RADIL: variants seen among roughly 807,000 people sequenced by gnomAD.
RADIL encodes Rap associating with DIL domain, also known as ras-associating and dilute domain-containing protein.
RADIL carries 99 observed loss-of-function variants against 97.6 expected under a neutral mutation model. The ratio of observed to expected loss-of-function variants is 1.01; its 90% confidence interval spans 0.86 to 1.20. The LOEUF is 1.20. RADIL is among the 50% of genes most tolerant of loss of function. RADIL has a pLI of 0.00. For synonymous variants in RADIL, 803 were observed against 691.8 expected (o/e 1.16, Z -2.52); for missense variants, 1,765 against 1,498.9 (o/e 1.18, Z -2.93).
intron 2 of RADIL, among the ~76,000 whole-genome samples, chr7:4,864,217 AC>A (rs1784084608): frequency 6.6e-6 from 1 of 152,082 alleles, no homozygotes; most frequent in South Asian, 2.1e-4. Flanking sequence ...ATCTTCTTTG[AC>A]CTATGGTAGC....
chr7:4,838,822 C>T (rs932749714), intron 2 of RADIL, among the ~76,000 whole-genome samples: 1 of 152,230 alleles, frequency 6.6e-6, no homozygotes, highest in Non-Finnish European at 1.5e-5. Flanking sequence ...CAGCAGCAGC[C>T]ACTGCCAATA....
intron 9 of RADIL, among the ~76,000 whole-genome samples, chr7:4,807,046 T>C (rs1583264859): frequency 6.6e-6 from 1 of 152,114 alleles, no homozygotes; most frequent in Non-Finnish European, 1.5e-5. Flanking sequence ...TGCACCTGCC[T>C]TCCCCGCGCC....
rs1393513697 is a variant in RADIL, at chr7:4,878,263, G to T, written c.-64-60C>A. ...ATCGTGACCACCAAGAGCAAATGAG[G>T]CCACAGGCGGTGACTCCTGCCCGTC... On this transcript the variant is annotated intron_variant, in intron 1 of 14. Coordinates refer to ENST00000399583, the MANE Select transcript of RADIL (RefSeq NM_018059.5). The surrounding 1 kb of genome is among the most constrained non-coding windows in gnomAD (Gnocchi z 4.1). 3.6e-6 allele frequency: 4 copies of T among 1,115,048 alleles called. No individual in the cohort carries two copies. Among genetic ancestry groups the T allele is most frequent in the Non-Finnish European group, 4.9e-6 (4 of 808,918 alleles). The allele number at this position is 1,115,048 out of a possible 1,614,324, so 69.1% of individuals were successfully genotyped here.
chr7:4,845,897 T>TA (rs1783555738), intron 2 of RADIL, among the ~76,000 whole-genome samples: 1 of 152,058 alleles, frequency 6.6e-6, no homozygotes, highest in Non-Finnish European at 1.5e-5. Context: ...CAGCGTGGCG[T>TA]AACCGAGAAC....
chr7:4,828,379 G>A (rs1783053584), intron 5 of RADIL, among the ~76,000 whole-genome samples: 1 of 152,200 alleles, frequency 6.6e-6, no homozygotes, highest in South Asian at 2.1e-4. Context: ...AATCGCTTCA[G>A]CCCAGGAGGT....
chr7:4,853,081 G>T (rs1455986383), intron 2 of RADIL, among the ~76,000 whole-genome samples: 2 of 152,122 alleles, frequency 1.3e-5, no homozygotes, highest in Non-Finnish European at 2.9e-5. Flanking sequence ...TGAGACTGGG[G>T]GACCTTGAGA....
rs1485100771 is a variant in RADIL at position 4,822,274 on chromosome 7, C to G, written c.1615+120G>C. On this transcript the variant is annotated intron_variant, in intron 6 of 14. Transcript: ENST00000399583. The surrounding 1 kb of genome is among the most constrained non-coding windows in gnomAD (Gnocchi z 5.3). ...CATGGCAGCCTAGGGACTGAGGAAG[C>G]CCCCGGCATGAATCCACCCCTGCTA... 6.4e-6 allele frequency: 8 copies of G among 1,254,990 alleles called. No individual in the cohort carries two copies. The East Asian group carries it at 2.0e-4, about 32-fold the overall frequency. 77.7% of individuals were successfully genotyped at this position (1,254,990 alleles called of 1,614,324 possible).
Position 4,798,574 on chromosome 7 carries a change from C to T in RADIL, c.*804G>A, listed in dbSNP as rs1230092538. ...GCAAGTGCCCTGCCCTGGTCCTGCG[C>T]ATGGTCAGCCAGCTGGTGGAGAGGG... On this transcript the variant is annotated 3_prime_UTR_variant, in exon 15 of 15. Transcript: ENST00000399583. 1 of 152,796 alleles carries T rather than the reference C, an allele frequency of 6.5e-6. No homozygotes were observed. The highest frequency in any genetic ancestry group is 1.5e-5 in the Non-Finnish European group (1 of 68,114). 9.5% of individuals were successfully genotyped at this position (152,796 alleles called of 1,614,324 possible).
chr7:4,874,778 C>T (rs1784331734), intron 2 of RADIL, among the ~76,000 whole-genome samples: 1 of 152,226 alleles, frequency 6.6e-6, no homozygotes, highest in Non-Finnish European at 1.5e-5. Flanking sequence ...ATGAGCTTGG[C>T]CGGGTGTGGT....
chr7:4,881,393 C>A (rs1416870900), intron 1 of RADIL, among the ~76,000 whole-genome samples: 6 of 127,614 alleles, frequency 4.7e-5, no homozygotes, highest in African/African-American at 1.9e-4. Flanking sequence ...CCAGCCTGGG[C>A]GACAGAGTGA....
chr7:4,860,999 C>T (rs201639976), intron 2 of RADIL: 54 of 1,614,060 alleles, frequency 3.3e-5, no homozygotes, highest in Non-Finnish European at 4.2e-5. Context: ...GAAGAATTTC[C>T]GTACAAGAGT....
rs1160927283 is a variant in RADIL at position 4,842,730 on chromosome 7, C to A, written c.536-6125G>T. 6.6e-6 allele frequency among the ~76,000 whole-genome samples: 1 copy of A among 152,130 alleles called. No individual in the cohort carries two copies. The highest frequency in any genetic ancestry group is 1.5e-5 in the Non-Finnish European group (1 of 68,020). ...AATAATGATATATACAACTTGGAAC[C>A]GTTTCTGTCACCCATCCCCACTCGC... On this transcript the variant is annotated intron_variant, in intron 2 of 14. Coordinates refer to ENST00000399583, the MANE Select transcript of RADIL (RefSeq NM_018059.5). The surrounding 1 kb of genome is among the most constrained non-coding windows in gnomAD (Gnocchi z 4.5).
intron 2 of RADIL, among the ~76,000 whole-genome samples, chr7:4,857,107 A>T (rs917703683): frequency 6.6e-6 from 1 of 152,240 alleles, no homozygotes; most frequent in Admixed American, 6.5e-5. Flanking sequence ...TGACACATTT[A>T]ACAATTTCTG....
At chr7:4,827,430 T>C (rs181287345) in intron 5 of RADIL, among the ~76,000 whole-genome samples, 239 of 148,344 alleles carry the variant, frequency 1.6e-3, no homozygotes, top group Middle Eastern at 7.5e-3. Flanking sequence ...GAGGCCGAGG[T>C]GGGCGGGTCA....
intron 2 of RADIL, chr7:4,861,122 A>C (rs1025817718): frequency 6.2e-7 from 1 of 1,614,134 alleles, no homozygotes; most frequent in Non-Finnish European, 8.5e-7. Context: ...CTTGGCCCAC[A>C]GTTTGATGGC....
In RADIL at chr7:4,834,868, C is replaced by T; in HGVS notation, c.1155G>A (p.Ala385=). The T allele has an allele frequency of 3.0e-6, 4 of 1,346,238 alleles. No homozygotes were observed. Among genetic ancestry groups the T allele is most frequent in the Non-Finnish European group, 3.8e-6 (4 of 1,049,584 alleles). The allele number at this position is 1,346,238 out of a possible 1,614,324, so 83.4% of individuals were successfully genotyped here. ...VPQSCRLCGA[A]LGARGAASPT... ...GGGAGGCGGCTCCCCGGGCCCCGAG[C>T]GCGGCCCCGCACAGCCGGCAGCTCT... The change falls in exon 4 of 15, where the codon GCG becomes GCA. Residue 385 remains alanine (A), a synonymous_variant. Coordinates refer to ENST00000399583, the MANE Select transcript of RADIL (RefSeq NM_018059.5). This position sits in a 1 kb window ranked among gnomAD's most constrained non-coding sequence, Gnocchi z 6.0.
rs537582595 is a variant in RADIL at position 4,880,255 on chromosome 7, T to C, written c.-64-2052A>G. Among the ~76,000 whole-genome samples the C allele has an allele frequency of 5.3e-5, 8 of 152,222 alleles. No homozygotes were observed. The South Asian group carries it at 1.7e-3, about 32-fold the overall frequency. ...TTTGTTTCTCTTCCTCTGAGGAAGG[T>C]GCAACGAGTGGCCTTGTCAAATCCT... is the stretch of plus-strand genomic sequence containing the variant. On this transcript the variant is annotated intron_variant, in intron 1 of 14. Transcript: ENST00000399583. The surrounding 1 kb of genome is among the most constrained non-coding windows in gnomAD (Gnocchi z 4.5).
chr7:4,799,200 G>A lies in RADIL; in HGVS notation c.*178C>T, dbSNP rs560344699. On this transcript the variant is annotated 3_prime_UTR_variant, in exon 15 of 15. Transcript: ENST00000399583. ...CAAACATCACAATTTCACGTCATCT[G>A]CCATATAAATAGAACCTACACTGAG... 130 of 598,472 alleles carry A rather than the reference G, an allele frequency of 2.2e-4. No homozygotes were observed. Among genetic ancestry groups the A allele is most frequent in the Non-Finnish European group, 1.9e-4 (64 of 335,290 alleles). 37.1% of individuals were successfully genotyped at this position (598,472 alleles called of 1,614,324 possible).
chr7:4,851,201 AAAAAAAAAG>A (rs1313099448), intron 2 of RADIL, among the ~76,000 whole-genome samples: 1 of 151,930 alleles, frequency 6.6e-6, no homozygotes, highest in African/African-American at 2.4e-5. Context: ...CCGTCTCAAA[AAAAAAAAAG>A]AAAAAAAGAA....
Sources: allele counts gnomAD v4.1 joint callset (sites outside exome capture counted in the v4.1 genomes callset), GRCh38; gene constraint gnomAD v4.1.1; non-coding constraint Gnocchi (gnomAD v3.1); transcripts MANE v1.5; gene names NCBI Gene and HGNC (gene_info 2026-07-23, HGNC 2026-07-21).